Variants in RLBP1 observed in about 807,000 individuals in gnomAD.
The protein encoded by RLBP1 is retinaldehyde binding protein 1.
RLBP1 carries 26 observed loss-of-function variants against 36.2 expected under a neutral mutation model. That is an observed-to-expected ratio of 0.72 (90% confidence interval 0.53 to 1.00). RLBP1 has a LOEUF of 1.00. Among genes scored for constraint, RLBP1 ranks in the 50% least tolerant of loss-of-function variants. RLBP1 has a pLI of 0.00. For synonymous variants in RLBP1, 155 were observed against 156.2 expected, an observed-to-expected ratio of 0.99 and a Z score of 0.06; for missense variants, 410 against 402.4, an observed-to-expected ratio of 1.02 and a Z score of -0.16.
intron 5 of RLBP1, among the ~76,000 whole-genome samples, chr15:89,215,774 T>C (rs533526064): frequency 1.3e-5 from 2 of 152,140 alleles, no homozygotes; most frequent in African/African-American, 4.8e-5. Flanking sequence ...ACCACCAAAT[T>C]TGAGCCCCTA....
Position 89,211,189 on chromosome 15 carries a change from A to G in RLBP1, c.685-380T>C, listed in dbSNP as rs78455902. On this transcript the variant is annotated intron_variant, in intron 7 of 8. Transcript: ENST00000268125. The surrounding 1 kb of genome is among the most constrained non-coding windows in gnomAD (Gnocchi z 5.8). The stretch of plus-strand genomic sequence containing the variant: ...GACAGGAACAGTATTATCATCCCTC[A>G]TTGTCCATCAGCCCCTCCCACAACC... Among the ~76,000 whole-genome samples, 927 of 152,196 alleles carry G rather than the reference A, an allele frequency of 6.1e-3. 8 individuals are homozygous for G. The highest frequency in any genetic ancestry group is 0.021 in the African/African-American group (859 of 41,524).
At position 89,211,635 on chromosome 15, in the gene RLBP1, C is replaced by A; in HGVS notation, c.684+108G>T. 5 of 1,154,522 alleles carry A rather than the reference C, an allele frequency of 4.3e-6. No homozygotes were observed. The highest frequency in any genetic ancestry group is 1.3e-5 in the South Asian group (1 of 77,206). The allele number at this position is 1,154,522 out of a possible 1,614,324, so 71.5% of individuals were successfully genotyped here. A position where few individuals can be genotyped will look rare whatever the true frequency, so the allele number is the denominator to read the frequency against. ...GTGGCTGTCACTGCTCTTTATGGCGCGAGGTGGTCCAACTTCTCAGTTCCC... is the reference window on the plus strand; with the variant it reads ...GTGGCTGTCACTGCTCTTTATGGCGAGAGGTGGTCCAACTTCTCAGTTCCC... On this transcript the variant is annotated intron_variant, in intron 7 of 8. Transcript: ENST00000268125. This position sits in a 1 kb window ranked among gnomAD's most constrained non-coding sequence, Gnocchi z 5.8.
At chr15:89,216,606 G>A (rs2529933) in intron 5 of RLBP1, among the ~76,000 whole-genome samples, 1 of 152,212 alleles carries the variant, frequency 6.6e-6, no homozygotes, top group South Asian at 2.1e-4. Context: ...ACAGGCGTGA[G>A]CCACCGCAAC....
chr15:89,215,377 A>G lies in RLBP1; in HGVS notation c.347-139T>C, dbSNP rs944114618. 1.8e-5 allele frequency: 13 copies of G among 731,828 alleles called. No homozygotes were observed. The Admixed American group carries it at 3.6e-4, about 20-fold the overall frequency. The allele number at this position is 731,828 out of a possible 1,614,324, so 45.3% of individuals were successfully genotyped here. A position where few individuals can be genotyped will look rare whatever the true frequency, so the allele number is the denominator to read the frequency against. The stretch of plus-strand genomic sequence containing the variant: ...TGGCTACTCAACCTATCCGAGCCCC[A>G]TGTTTCCTCTCCAAAAAATGGGATC... On this transcript the variant is annotated intron_variant, in intron 5 of 8. Transcript: ENST00000268125.
chr15:89,211,607 A>G lies in RLBP1; in HGVS notation c.684+136T>C, dbSNP rs2051538572. Reference sequence around the variant, plus strand: ...CACTATGCAGGTGCTTATGGTTGGGACTGTGGCTGTCACTGCTCTTTATGG... The same window carrying G: ...CACTATGCAGGTGCTTATGGTTGGGGCTGTGGCTGTCACTGCTCTTTATGG... On this transcript the variant is annotated intron_variant, in intron 7 of 8. Transcript: ENST00000268125. The surrounding 1 kb of genome is among the most constrained non-coding windows in gnomAD (Gnocchi z 5.8). The G allele has an allele frequency of 1.2e-6, 1 of 800,732 alleles. No homozygotes were observed. The highest frequency in any genetic ancestry group is 2.0e-6 in the Non-Finnish European group (1 of 493,476). 49.6% of individuals were successfully genotyped at this position (800,732 alleles called of 1,614,324 possible).
At chr15:89,220,330 G>A (rs756568125) in intron 1 of RLBP1, among the ~76,000 whole-genome samples, 1 of 152,140 alleles carries the variant, frequency 6.6e-6, no homozygotes, top group African/African-American at 2.4e-5. Flanking sequence ...TTCCTCATCT[G>A]CAAACTGAGG....
Position 89,214,937 on chromosome 15 carries a change from GC to G in RLBP1, c.525+122del. The G allele has an allele frequency of 9.8e-7, 1 of 1,019,580 alleles. No individual in the cohort carries two copies. Among genetic ancestry groups the G allele is most frequent in the Non-Finnish European group, 1.5e-6 (1 of 657,940 alleles). The allele number at this position is 1,019,580 out of a possible 1,614,324, so 63.2% of individuals were successfully genotyped here. A position where few individuals can be genotyped will look rare whatever the true frequency, so the allele number is the denominator to read the frequency against. ...GGAAAGGGCTAGGTGGCAGGTGGCTGCCCACCTTTCCCCCTCTACAGACCTT... is the reference window on the plus strand; with the variant it reads ...GGAAAGGGCTAGGTGGCAGGTGGCTGCCACCTTTCCCCCTCTACAGACCTT... On this transcript the variant is annotated intron_variant, in intron 6 of 8. Transcript: ENST00000268125. This position sits in a 1 kb window ranked among gnomAD's most constrained non-coding sequence, Gnocchi z 4.6.
At chr15:89,213,457 C>G (rs1451991306) in intron 6 of RLBP1, among the ~76,000 whole-genome samples, 1 of 152,032 alleles carries the variant, frequency 6.6e-6, no homozygotes, top group South Asian at 2.1e-4. Context: ...AAAACAATAA[C>G]CTTCATTTAT....
rs576461360 is a variant in RLBP1 at position 89,215,007 on chromosome 15, T to G, written c.525+53A>C. The G allele has an allele frequency of 2.2e-5, 35 of 1,587,834 alleles. No homozygotes were observed. In the East Asian group the frequency reaches 7.2e-4, roughly 32 times the overall value. On this transcript the variant is annotated intron_variant, in intron 6 of 8. Coordinates refer to ENST00000268125, the MANE Select transcript of RLBP1 (RefSeq NM_000326.5). ...AATGAGGGCCCAGTAGAGGCCAGGGTTGAGGGAGGGAACCCAGCCCACAGG... is the reference window on the plus strand; with the variant it reads ...AATGAGGGCCCAGTAGAGGCCAGGGGTGAGGGAGGGAACCCAGCCCACAGG...
rs2051588216 is a variant in RLBP1 at position 89,217,196 on chromosome 15, C to G, written c.270G>C (p.Glu90Asp). 1.9e-6 allele frequency: 3 copies of G among 1,613,860 alleles called. No individual in the cohort carries two copies. Among genetic ancestry groups the G allele is most frequent in the Non-Finnish European group, 1.7e-6 (2 of 1,180,032 alleles). The change falls in exon 5 of 9, where the codon GAG becomes GAC. Residue 90 changes from glutamate (E) to aspartate (D), a missense_variant. Transcript: ENST00000268125. Reference protein sequence around the residue: ...LAVAVAERVQEKDSGFFLRFI... With the variant: ...LAVAVAERVQDKDSGFFLRFI... ...AGCGCAGGAAGAAGCCGCTGTCCTT[C>G]TCTTGCACCCTCTCCGCCACGGCCA... is the stretch of plus-strand genomic sequence containing the variant.
Position 89,215,229 on chromosome 15 carries a change from T to A in RLBP1, c.356A>T (p.Asn119Ile). The change falls in exon 6 of 9, where the codon AAT (asparagine) becomes ATT (isoleucine). Residue 119 changes from asparagine (N) to isoleucine (I), a missense_variant. Transcript: ENST00000268125. ...RAYELLRGYV[N>I]FRLQYPELFD... The stretch of plus-strand genomic sequence containing the variant: ...GAGCTCAGGGTACTGCAGCCGGAAA[T>A]TCACATAGCCTGGAGGAAGGAGAGC... 1 of 1,614,060 alleles carries A rather than the reference T, an allele frequency of 6.2e-7. No individual in the cohort carries two copies. The highest frequency in any genetic ancestry group is 8.5e-7 in the Non-Finnish European group (1 of 1,179,998).
Position 89,211,705 on chromosome 15 carries a change from TG to T in RLBP1, c.684+37del. On this transcript the variant is annotated intron_variant, in intron 7 of 8. Transcript: ENST00000268125. This position sits in a 1 kb window ranked among gnomAD's most constrained non-coding sequence, Gnocchi z 5.8. ...GGCCCAGCCTCTCAGCCTCCCCAGCTGTGGGAGGCTGCCGTGCGACAGAACT... is the reference window on the plus strand; with the variant it reads ...GGCCCAGCCTCTCAGCCTCCCCAGCTTGGGAGGCTGCCGTGCGACAGAACT... 2 of 1,609,740 alleles carry T rather than the reference TG, an allele frequency of 1.2e-6. No homozygotes were observed. Among genetic ancestry groups the T allele is most frequent in the Non-Finnish European group, 1.7e-6 (2 of 1,178,194 alleles).
intron 6 of RLBP1, among the ~76,000 whole-genome samples, chr15:89,213,120 TAGGC>T (rs1344883355): frequency 6.6e-6 from 1 of 152,166 alleles, no homozygotes; most frequent in Non-Finnish European, 1.5e-5. Flanking sequence ...TACACACAGA[TAGGC>T]AGGTGTGCAT....
Position 89,218,792 on chromosome 15 carries a change from C to A in RLBP1, c.13-99G>T, listed in dbSNP as rs2150972008. On this transcript the variant is annotated intron_variant, in intron 3 of 8. Coordinates refer to ENST00000268125, the MANE Select transcript of RLBP1 (RefSeq NM_000326.5). This position sits in a 1 kb window ranked among gnomAD's most constrained non-coding sequence, Gnocchi z 4.6. ...GACCTTCAGTTCTTTTGCCCAAGGT[C>A]ATTGTTAAGCCTCCTCCTTTTGTGG... 6.3e-7 allele frequency: 1 copy of A among 1,585,510 alleles called. No individual in the cohort carries two copies. Among genetic ancestry groups the A allele is most frequent in the South Asian group, 1.1e-5 (1 of 89,602 alleles).
Position 89,210,748 on chromosome 15 carries a change from G to A in RLBP1, c.746C>T (p.Thr249Met), listed in dbSNP as rs140131617. 8.2e-5 allele frequency: 132 copies of A among 1,603,616 alleles called. No individual in the cohort carries two copies. The highest frequency in any genetic ancestry group is 1.0e-4 in the Non-Finnish European group (121 of 1,174,242). The stretch of plus-strand genomic sequence containing the variant: ...GAAGGGCTTGACCACATTGTAGGTC[G>A]TGGTGAAGTACCATGGCTGGTGGAT... ...HFIHQPWYFT[T>M]TYNVVKPFLK... Residue 249 changes from threonine to methionine, a missense_variant, in exon 8 of 9, where the codon ACG becomes ATG. Thr to Met is a moderately conservative substitution (Grantham distance 81). Coordinates refer to ENST00000268125, the MANE Select transcript of RLBP1 (RefSeq NM_000326.5). The surrounding 1 kb of genome is among the most constrained non-coding windows in gnomAD (Gnocchi z 4.7).
At chr15:89,213,115 A>ATTT (rs2051552211) in intron 6 of RLBP1, among the ~76,000 whole-genome samples, 1 of 152,210 alleles carries the variant, frequency 6.6e-6, no homozygotes, top group Admixed American at 6.5e-5. Context: ...CTTAATACAC[A>ATTT]CAGATAGGCA....
At chr15:89,216,618 G>A (rs2051583076) in intron 5 of RLBP1, among the ~76,000 whole-genome samples, 2 of 152,294 alleles carry the variant, frequency 1.3e-5, no homozygotes, top group South Asian at 4.1e-4. Flanking sequence ...CACCGCAACC[G>A]GCCGATGATT....
At position 89,210,481 on chromosome 15, in the gene RLBP1, A is replaced by C. The variant is rs753542320; in HGVS notation, c.796-38T>G. 6.8e-6 allele frequency: 11 copies of C among 1,610,962 alleles called. No homozygotes were observed. In the East Asian group the frequency reaches 2.5e-4, roughly 36 times the overall value. ...AAGGGAGACAGAACTGAGCAGGAGG[A>C]GGTGCCCTAAGGATGAGGGTTGAGG... is the stretch of plus-strand genomic sequence containing the variant. On this transcript the variant is annotated intron_variant, in intron 8 of 8. Coordinates refer to ENST00000268125, the MANE Select transcript of RLBP1 (RefSeq NM_000326.5). This position sits in a 1 kb window ranked among gnomAD's most constrained non-coding sequence, Gnocchi z 4.7.
In RLBP1 at chr15:89,211,690, C is replaced by T. The variant is rs2051539167; in HGVS notation, c.684+53G>A. The T allele has an allele frequency of 1.3e-6, 2 of 1,599,152 alleles. No individual in the cohort carries two copies. Among genetic ancestry groups the T allele is most frequent in the Admixed American group, 1.7e-5 (1 of 59,808 alleles). ...AGCACCATGAAAGGAGGCCCAGCCT[C>T]TCAGCCTCCCCAGCTGTGGGAGGCT... is the stretch of plus-strand genomic sequence containing the variant. On this transcript the variant is annotated intron_variant, in intron 7 of 8. Coordinates refer to ENST00000268125, the MANE Select transcript of RLBP1 (RefSeq NM_000326.5). The surrounding 1 kb of genome is among the most constrained non-coding windows in gnomAD (Gnocchi z 5.8).
Sources: allele counts gnomAD v4.1 joint callset (sites outside exome capture counted in the v4.1 genomes callset), GRCh38; gene constraint gnomAD v4.1.1; non-coding constraint Gnocchi (gnomAD v3.1); transcripts MANE v1.5; gene names NCBI Gene and HGNC (gene_info 2026-07-23, HGNC 2026-07-21).